UNC5D: variants seen among roughly 807,000 people sequenced by gnomAD.
UNC5D encodes the protein unc-5 netrin receptor D.
A neutral mutation model predicts 105.4 loss-of-function variants in UNC5D; 39 were observed. The observed-to-expected ratio is 0.37, with a 90% CI of 0.29 to 0.48. UNC5D has a LOEUF of 0.48. Among genes scored for constraint, UNC5D ranks in the 20% least tolerant of loss-of-function variants. The pLI is 0.98. For synonymous variants in UNC5D, 452 were observed against 450.4 expected, an observed-to-expected ratio of 1.00 and a Z score of -0.04; for missense variants, 991 against 1,202.4, an observed-to-expected ratio of 0.82 and a Z score of 2.60.
intron 7 of UNC5D, among the ~76,000 whole-genome samples, chr8:35,699,019 C>T (rs1267607081): frequency 3.9e-5 from 6 of 152,110 alleles, no homozygotes; most frequent in Admixed American, 6.5e-5. Context: ...CATTTTGTCA[C>T]GTTGAGGCTA....
At chr8:35,678,622 C>A (rs1563659747) in intron 4 of UNC5D, among the ~76,000 whole-genome samples, 1 of 152,052 alleles carries the variant, frequency 6.6e-6, no homozygotes, top group Non-Finnish European at 1.5e-5. Flanking sequence ...TTTATGATAA[C>A]ACTAACCATA....
chr8:35,726,841 G>A (rs1828907183), intron 10 of UNC5D: 3 of 329,188 alleles, frequency 9.1e-6, no homozygotes, highest in Non-Finnish European at 1.7e-5. Context: ...TCCTAGGCAT[G>A]ATAAGAAAGC....
In UNC5D at chr8:35,523,279, T is replaced by C. The variant is rs115528658; in HGVS notation, c.104-26013T>C. Among the ~76,000 whole-genome samples, 790 of 152,068 alleles carry C rather than the reference T, an allele frequency of 5.2e-3. 8 individuals are homozygous for C. Among genetic ancestry groups the C allele is most frequent in the African/African-American group, 0.017 (719 of 41,496 alleles). ...TTATTTTTTGTAGAGATTGGGGTGT[T>C]ACTATGTTGCCCAGGCTGGTCTCGA... On this transcript the variant is annotated intron_variant, in intron 1 of 16. Coordinates refer to ENST00000404895, the MANE Select transcript of UNC5D (RefSeq NM_080872.4).
intron 3 of UNC5D, among the ~76,000 whole-genome samples, chr8:35,586,060 G>A (rs908259097): frequency 6.6e-6 from 1 of 152,114 alleles, no homozygotes; most frequent in Non-Finnish European, 1.5e-5. Flanking sequence ...ATCACCTGAG[G>A]TCAGGAGTTC....
intron 8 of UNC5D, among the ~76,000 whole-genome samples, chr8:35,714,970 G>A (rs1010380275): frequency 2.6e-5 from 4 of 152,218 alleles, no homozygotes; most frequent in African/African-American, 9.6e-5. Flanking sequence ...TGACCAACAT[G>A]GAGAAGCCCA....
At chr8:35,578,789 C>A (rs1029595960) in intron 3 of UNC5D, among the ~76,000 whole-genome samples, 2 of 152,152 alleles carry the variant, frequency 1.3e-5, no homozygotes, top group South Asian at 4.1e-4. Context: ...TTAATTAACA[C>A]ATGCACAGTG....
chr8:35,409,267 G>A (rs946533200), intron 1 of UNC5D, among the ~76,000 whole-genome samples: 2 of 152,108 alleles, frequency 1.3e-5, no homozygotes, highest in East Asian at 3.9e-4. Flanking sequence ...ATCTAGGAGT[G>A]TGGTAAGTAT....
intron 4 of UNC5D, among the ~76,000 whole-genome samples, chr8:35,669,469 C>T (rs1245908080): frequency 6.6e-6 from 1 of 152,066 alleles, no homozygotes; most frequent in Non-Finnish European, 1.5e-5. Context: ...TGCCCGTCTC[C>T]TTAAATCTAA....
chr8:35,279,577 T>C (rs1806004828), intron 1 of UNC5D, among the ~76,000 whole-genome samples: 1 of 152,244 alleles, frequency 6.6e-6, no homozygotes, highest in Non-Finnish European at 1.5e-5. Flanking sequence ...ATGTAAAATG[T>C]GGTGGAATCA....
intron 4 of UNC5D, among the ~76,000 whole-genome samples, chr8:35,645,856 C>A (rs1166936444): frequency 6.6e-6 from 1 of 152,060 alleles, no homozygotes; most frequent in South Asian, 2.1e-4. Context: ...CCTAAACTTG[C>A]ACCCTTTCTC....
chr8:35,253,911 T>A (rs1342586971), intron 1 of UNC5D, among the ~76,000 whole-genome samples: 1 of 152,170 alleles, frequency 6.6e-6, no homozygotes, highest in Admixed American at 6.5e-5. Context: ...TACATGGGAA[T>A]TTTTTAGTCT....
At chr8:35,293,419 G>T (rs1211483632) in intron 1 of UNC5D, among the ~76,000 whole-genome samples, 2 of 152,122 alleles carry the variant, frequency 1.3e-5, no homozygotes, top group Non-Finnish European at 2.9e-5. Flanking sequence ...CTTTCAGCTT[G>T]TCTAATGTCA....
At chr8:35,326,730 T>C (rs1262396901) in intron 1 of UNC5D, among the ~76,000 whole-genome samples, 1 of 151,072 alleles carries the variant, frequency 6.6e-6, no homozygotes, top group African/African-American at 2.4e-5. Context: ...CACTCCAACC[T>C]GGGTGACGGA....
Position 35,643,718 on chromosome 8 carries a change from C to CTT in UNC5D, c.571-39828_571-39827dup, listed in dbSNP as rs1193989493. 2.6e-5 allele frequency among the ~76,000 whole-genome samples: 4 copies of CTT among 152,190 alleles called. No individual in the cohort carries two copies. In the East Asian group the frequency reaches 5.8e-4, roughly 22 times the overall value. Reference sequence around the variant, plus strand: ...AAAAATCAGATCAGTCCTTGCATGACTTCAGAGTCACTTAGTGGCTTCTAA... The same window carrying CTT: ...AAAAATCAGATCAGTCCTTGCATGACTTTTCAGAGTCACTTAGTGGCTTCTAA... On this transcript the variant is annotated intron_variant, in intron 4 of 16. Coordinates refer to ENST00000404895, the MANE Select transcript of UNC5D (RefSeq NM_080872.4).
At chr8:35,252,019 CTTTTTTTT>C (rs1177014089) in intron 1 of UNC5D, among the ~76,000 whole-genome samples, 11 of 117,268 alleles carry the variant, frequency 9.4e-5, no homozygotes, top group African/African-American at 1.6e-4. Flanking sequence ...ACCAATGGTT[CTTTTTTTT>C]TTTTTTTTTT....
intron 1 of UNC5D, 64 bp from the exon 2 acceptor site, chr8:35,549,228 A>G (rs897412794): frequency 2.0e-6 from 3 of 1,507,800 alleles, no homozygotes; most frequent in African/African-American, 1.4e-5. Context: ...CAGGTTTGCC[A>G]TTGTGTCCTG....
chr8:35,237,199 T>C (rs1372982604), intron 1 of UNC5D, among the ~76,000 whole-genome samples: 2 of 148,206 alleles, frequency 1.3e-5, no homozygotes, highest in African/African-American at 2.5e-5. Context: ...TTTTTTTTTT[T>C]TTTTTTTAAT....
At chr8:35,505,312 A>G (rs892947639) in intron 1 of UNC5D, among the ~76,000 whole-genome samples, 2 of 152,242 alleles carry the variant, frequency 1.3e-5, no homozygotes, top group Admixed American at 1.3e-4. Flanking sequence ...GGTCCCCCAA[A>G]TTATGGGATT....
chr8:35,250,421 G>A (rs948087587), intron 1 of UNC5D, among the ~76,000 whole-genome samples: 12 of 152,108 alleles, frequency 7.9e-5, no homozygotes, highest in African/African-American at 1.7e-4. Context: ...TGTTACCTGA[G>A]TATACTGTGT....
Sources: allele counts gnomAD v4.1 joint callset (sites outside exome capture counted in the v4.1 genomes callset), GRCh38; gene constraint gnomAD v4.1.1; transcripts MANE v1.5; gene names NCBI Gene and HGNC (gene_info 2026-07-23, HGNC 2026-07-21).